Variants in PPP3CA observed in about 807,000 individuals in gnomAD.
The protein encoded by PPP3CA is protein phosphatase 3 catalytic subunit alpha.
In PPP3CA, 14 loss-of-function variants were observed where a neutral mutation model predicts 66.5. The ratio of observed to expected loss-of-function variants is 0.21; its 90% confidence interval spans 0.14 to 0.33. PPP3CA has a LOEUF of 0.33. PPP3CA is among the 10% of genes least tolerant of loss of function. The pLI is 1.00. For synonymous variants in PPP3CA, 232 were observed against 226.2 expected (o/e 1.03, Z -0.23); for missense variants, 317 against 639.5 (o/e 0.50, Z 5.44).
At chr4:101,244,615 G>A (rs973652182) in intron 1 of PPP3CA, among the ~76,000 whole-genome samples, 7 of 152,172 alleles carry the variant, frequency 4.6e-5, no homozygotes, top group Non-Finnish European at 1.0e-4. Context: ...GACGCCTACA[G>A]CTCAGACACA....
chr4:101,338,028 T>C (rs755283638), intron 1 of PPP3CA, among the ~76,000 whole-genome samples: 27 of 152,252 alleles, frequency 1.8e-4, no homozygotes, highest in Non-Finnish European at 2.9e-4. Context: ...TTATACATTT[T>C]TATTCATTTG....
intron 10 of PPP3CA, among the ~76,000 whole-genome samples, chr4:101,056,758 G>GACAGGCT (rs1728239597): frequency 6.6e-6 from 1 of 150,804 alleles, no homozygotes; most frequent in African/African-American, 2.4e-5. Context: ...CCATAAGGGA[G>GACAGGCT]ACAGGCTACA....
At chr4:101,213,782 A>G (rs1725377483) in intron 1 of PPP3CA, among the ~76,000 whole-genome samples, 1 of 152,094 alleles carries the variant, frequency 6.6e-6, no homozygotes, top group Admixed American at 6.6e-5. Flanking sequence ...ATAATCCGAG[A>G]GTCTTGACTC....
At chr4:101,203,820 T>C (rs2110198235) in intron 1 of PPP3CA, among the ~76,000 whole-genome samples, 1 of 152,280 alleles carries the variant, frequency 6.6e-6, no homozygotes, top group East Asian at 1.9e-4. Flanking sequence ...ATTTTTGATA[T>C]TTTGGTTACT....
At chr4:101,323,426 G>A (rs936297100) in intron 1 of PPP3CA, among the ~76,000 whole-genome samples, 9 of 152,198 alleles carry the variant, frequency 5.9e-5, no homozygotes, top group Admixed American at 5.9e-4. Context: ...GTGTACGTGT[G>A]ATGAGTGTTA....
chr4:101,287,706 A>G (rs190919795), intron 1 of PPP3CA, among the ~76,000 whole-genome samples: 177 of 152,256 alleles, frequency 1.2e-3, no homozygotes, highest in African/African-American at 4.0e-3. Context: ...CTTCCAAGGT[A>G]TACAGATCAC....
Position 101,313,594 on chromosome 4 carries a change from T to C in PPP3CA, c.58+33145A>G, listed in dbSNP as rs537451457. On this transcript the variant is annotated intron_variant, in intron 1 of 13. Coordinates refer to ENST00000394854, the MANE Select transcript of PPP3CA (RefSeq NM_000944.5). ...TCCCTAGTTTTCCTAACTAGCCTCT[T>C]TGGCAACAAGTGGGAAGATCAGTAC... is the stretch of plus-strand genomic sequence containing the variant. Among the ~76,000 whole-genome samples, 231 of 152,260 alleles carry C rather than the reference T, an allele frequency of 1.5e-3. 1 individual carries two copies. The highest frequency in any genetic ancestry group is 5.3e-3 in the African/African-American group (219 of 41,560).
chr4:101,175,512 C>T (rs1724031495), intron 2 of PPP3CA, among the ~76,000 whole-genome samples: 1 of 152,110 alleles, frequency 6.6e-6, no homozygotes, highest in Admixed American at 6.6e-5. Context: ...TGGTTTTAGC[C>T]TTAATGTTTC....
intron 1 of PPP3CA, among the ~76,000 whole-genome samples, chr4:101,219,092 A>G (rs920112455): frequency 6.6e-6 from 1 of 152,070 alleles, no homozygotes; most frequent in Non-Finnish European, 1.5e-5. Context: ...ACTTTGCAGC[A>G]GGGCATACAA....
chr4:101,115,581 T>G (rs1203772920), intron 2 of PPP3CA, among the ~76,000 whole-genome samples: 2 of 151,984 alleles, frequency 1.3e-5, no homozygotes, highest in African/African-American at 4.8e-5. Flanking sequence ...CATTAGAGAA[T>G]GTAAACCAAA....
At chr4:101,267,715 G>C (rs2850338) in intron 1 of PPP3CA, among the ~76,000 whole-genome samples, 52,587 of 151,774 alleles carry the variant, frequency 0.35, 10,204 homozygotes, top group East Asian at 0.67. Context: ...ATTTATACTA[G>C]TAACAAAAGT....
chr4:101,327,587 T>C (rs1438924763), intron 1 of PPP3CA, among the ~76,000 whole-genome samples: 1 of 152,206 alleles, frequency 6.6e-6, no homozygotes, highest in Non-Finnish European at 1.5e-5. Flanking sequence ...GTTTAATCAC[T>C]GGTTATTTTA....
intron 1 of PPP3CA, among the ~76,000 whole-genome samples, chr4:101,221,630 T>C (rs1441299770): frequency 6.6e-6 from 1 of 151,490 alleles, no homozygotes; most frequent in Non-Finnish European, 1.5e-5. Context: ...ACAGACTACT[T>C]TATTGAAAAA....
At chr4:101,118,133 T>C (rs537731441) in intron 2 of PPP3CA, among the ~76,000 whole-genome samples, 4 of 152,026 alleles carry the variant, frequency 2.6e-5, no homozygotes, top group South Asian at 4.1e-4. Flanking sequence ...TAAAAAATCT[T>C]AGTGTTTCTT....
chr4:101,228,011 C>T (rs1725838446), intron 1 of PPP3CA, among the ~76,000 whole-genome samples: 1 of 151,522 alleles, frequency 6.6e-6, no homozygotes, highest in Non-Finnish European at 1.5e-5. Flanking sequence ...TTGCTATGAA[C>T]AGGCCTTTTA....
At chr4:101,074,361 T>C (rs1458130525) in intron 8 of PPP3CA, among the ~76,000 whole-genome samples, 4 of 152,172 alleles carry the variant, frequency 2.6e-5, no homozygotes, top group African/African-American at 4.8e-5. Context: ...GTAGCAGATA[T>C]CTATAAGTTT....
chr4:101,259,146 C>T (rs1337991077), intron 1 of PPP3CA, among the ~76,000 whole-genome samples: 1 of 152,134 alleles, frequency 6.6e-6, no homozygotes, highest in African/African-American at 2.4e-5. Context: ...TACTTTCCTC[C>T]TCTATCATCA....
intron 1 of PPP3CA, among the ~76,000 whole-genome samples, chr4:101,284,447 G>A (rs923322083): frequency 6.6e-6 from 1 of 152,062 alleles, no homozygotes; most frequent in Non-Finnish European, 1.5e-5. Context: ...CACCCACAAA[G>A]CTTGTAACTT....
At chr4:101,312,593 T>C (rs1244416956) in intron 1 of PPP3CA, among the ~76,000 whole-genome samples, 1 of 152,120 alleles carries the variant, frequency 6.6e-6, no homozygotes, top group Non-Finnish European at 1.5e-5. Flanking sequence ...ATTTTTCAAA[T>C]GTTCAGACTT....
Sources: gnomAD v4.1 joint callset for allele counts (sites outside exome capture counted in the v4.1 genomes callset) on GRCh38, gnomAD v4.1.1 for gene constraint, MANE v1.5 for transcripts, NCBI Gene and HGNC (gene_info 2026-07-23, HGNC 2026-07-21) for gene names.